Variants in SP3 observed in about 807,000 individuals in gnomAD.
SP3 encodes transcription factor Sp3.
In SP3, 10 loss-of-function variants were observed where a neutral mutation model predicts 70.3. That is an observed-to-expected ratio of 0.14 (90% CI 0.09 to 0.24). The LOEUF (loss-of-function observed/expected upper bound fraction) is 0.24, where lower values mean the gene tolerates loss of function less well. SP3 is among the 10% of genes least tolerant of loss of function. The probability of loss-of-function intolerance (pLI) is 1.00; values close to 1 mark genes in which losing one functional copy is unlikely to be tolerated. For missense variants in SP3, 825 were observed against 914.6 expected (o/e 0.90, Z 1.26); for synonymous variants, 402 against 333.5 (o/e 1.21, Z -2.24).
intron 3 of SP3, among the ~76,000 whole-genome samples, chr2:173,959,872 A>G (rs1359647552): frequency 6.6e-6 from 1 of 152,266 alleles, no homozygotes; most frequent in Non-Finnish European, 1.5e-5. Flanking sequence ...TTTACAAACC[A>G]AATTAAAAAT....
rs184683852 is a variant in SP3 at position 173,932,004 on chromosome 2, C to G, written c.1640-13219G>C. 4.8e-3 allele frequency among the ~76,000 whole-genome samples: 728 copies of G among 152,298 alleles called. 17 individuals are homozygous for G. Among genetic ancestry groups the G allele is most frequent in the Non-Finnish European group, 5.9e-3 (401 of 68,014 alleles). ...TAGGACTTTTAATTTCCTTCAAGAA[C>G]TTTTCCTTTGCATTCACAACGTGGC... On this transcript the variant is annotated intron_variant, in intron 4 of 6. Coordinates refer to ENST00000310015, the MANE Select transcript of SP3 (RefSeq NM_003111.5).
intron 4 of SP3, among the ~76,000 whole-genome samples, chr2:173,939,384 C>T (rs1690296488): frequency 6.6e-6 from 1 of 152,176 alleles, no homozygotes; most frequent in Non-Finnish European, 1.5e-5. Flanking sequence ...GATGTATATG[C>T]TTCAGATATG....
chr2:173,924,791 T>C (rs12472978), intron 4 of SP3, among the ~76,000 whole-genome samples: 5,439 of 152,328 alleles, frequency 0.036, 163 homozygotes, highest in Admixed American at 0.1. Flanking sequence ...CTTCCCTGTA[T>C]ATAAATATAT....
chr2:173,927,114 A>G (rs1304004980), intron 4 of SP3, among the ~76,000 whole-genome samples: 3 of 152,040 alleles, frequency 2.0e-5, no homozygotes, highest in African/African-American at 7.2e-5. Context: ...AGATCTCACA[A>G]GAACTCACTA....
chr2:173,965,357 G>T lies in SP3; in HGVS notation c.-186C>A, dbSNP rs923784075. On this transcript the variant is annotated 5_prime_UTR_variant, in exon 1 of 7. Coordinates refer to ENST00000310015, the MANE Select transcript of SP3 (RefSeq NM_003111.5). ...AAAAGGTGGAGCCTCCAGCCCAAAA[G>T]GGGGGAAGAGGGTGACAGCCCGCCC... is the stretch of plus-strand genomic sequence containing the variant. 25 of 643,944 alleles carry T rather than the reference G, an allele frequency of 3.9e-5. No individual in the cohort carries two copies. Among genetic ancestry groups the T allele is most frequent in the Middle Eastern group, 3.8e-4 (1 of 2,664 alleles). 39.9% of individuals were successfully genotyped at this position (643,944 alleles called of 1,614,324 possible).
At position 173,955,202 on chromosome 2, in the gene SP3, T is replaced by C. The variant is rs774952797; in HGVS notation, c.1310A>G (p.Gln437Arg). The change falls in exon 4 of 7, where the codon CAA becomes CGA. Residue 437 changes from glutamine (Q) to arginine (R), a missense_variant. Around this residue, in one of 4 missense-constraint regions of SP3, gnomAD observed 678 missense variants for 651.6 expected, o/e 1.04. Transcript: ENST00000310015. The part of the protein sequence containing the change: ...SGQNISQQAL[Q>R]NLQLQLNPGT... ...AGGATTCAGCTGCAACTGAAGATTT[T>C]GCAAAGCCTGTTGTGATATATTTTG... 2 of 1,614,066 alleles carry C rather than the reference T, an allele frequency of 1.2e-6. No homozygotes were observed. The highest frequency in any genetic ancestry group is 1.7e-6 in the Non-Finnish European group (2 of 1,180,040).
intron 4 of SP3, among the ~76,000 whole-genome samples, chr2:173,938,656 T>C (rs1458817827): frequency 1.3e-5 from 2 of 151,598 alleles, no homozygotes; most frequent in Admixed American, 6.6e-5. Context: ...TTAGCTATAA[T>C]ACAAGACAAA....
At chr2:173,915,812 G>A (rs1208755014) in intron 5 of SP3, 1 of 151,888 alleles carries the variant, frequency 6.6e-6, no homozygotes, top group East Asian at 1.9e-4. Flanking sequence ...TCTGAAAGCT[G>A]GTTCTGCTCA....
At chr2:173,960,919 T>C (rs914746710) in intron 3 of SP3, among the ~76,000 whole-genome samples, 1 of 152,088 alleles carries the variant, frequency 6.6e-6, no homozygotes, top group Admixed American at 6.5e-5. Flanking sequence ...GAGCCTGCAG[T>C]GAGCCGAGAT....
chr2:173,909,609 A>G lies in SP3; in HGVS notation c.*332T>C, dbSNP rs1689421261. 6.0e-6 allele frequency: 1 copy of G among 167,568 alleles called. No individual in the cohort carries two copies. The highest frequency in any genetic ancestry group is 1.3e-5 in the Non-Finnish European group (1 of 77,172). 10.4% of individuals were successfully genotyped at this position (167,568 alleles called of 1,614,324 possible). On this transcript the variant is annotated 3_prime_UTR_variant, in exon 7 of 7. Transcript: ENST00000310015. The stretch of plus-strand genomic sequence containing the variant: ...TATCTTACAATAGATAAATACCAAC[A>G]TGTTCTCATTTTTACACTAAACCAC...
At position 173,903,437 on chromosome 2, in the gene SP3, A is replaced by G. The variant is rs746493896; in HGVS notation, c.*6504T>C. Among the ~76,000 whole-genome samples, 6 of 152,222 alleles carry G rather than the reference A, an allele frequency of 3.9e-5. No individual in the cohort carries two copies. Among genetic ancestry groups the G allele is most frequent in the Non-Finnish European group, 5.9e-5 (4 of 68,034 alleles). On this transcript the variant is annotated 3_prime_UTR_variant, in exon 7 of 7. Transcript: ENST00000310015. ...TCCCAAACCTATGCACTTAATCACT[A>G]TATTATGCTATGAAAGGTTTCAACT...
In SP3 at chr2:173,956,062, T is replaced by A; in HGVS notation, c.450A>T (p.Gln150His). 1 of 1,614,160 alleles carries A rather than the reference T, an allele frequency of 6.2e-7. No individual in the cohort carries two copies. Among genetic ancestry groups the A allele is most frequent in the Non-Finnish European group, 8.5e-7 (1 of 1,180,014 alleles). Residue 150 changes from glutamine (Q) to histidine (H), a missense_variant, in exon 4 of 7, where the codon CAA (glutamine) becomes CAT (histidine). Physicochemically the swap from Gln to His is conservative, Grantham distance 24. Transcript: ENST00000310015. ...VLPLQNLQNQ[Q>H]IFSVAPGSDS... ...CTGATCCTGGTGCAACGGAAAATAT[T>A]TGTTGATTCTGCAAATTCTGAAGGG...
chr2:173,955,297 C>T lies in SP3; in HGVS notation c.1215G>A (p.Gln405=). 1 of 1,614,070 alleles carries T rather than the reference C, an allele frequency of 6.2e-7. No individual in the cohort carries two copies. Among genetic ancestry groups the T allele is most frequent in the East Asian group, 2.2e-5 (1 of 44,880 alleles). ...VQHLQLQESQ[Q]PTSQAQIVQG... ...GCACAATTTGGGCTTGACTGGTTGG[C>T]TGCTGAGACTCTTGAAGTTGTAGAT... Residue 405 remains glutamine, a synonymous_variant, in exon 4 of 7, where the codon CAG becomes CAA. Coordinates refer to ENST00000310015, the MANE Select transcript of SP3 (RefSeq NM_003111.5).
Position 173,955,326 on chromosome 2 carries a change from GTAC to G in SP3, c.1183_1185del (p.Val395del). The G allele has an allele frequency of 6.2e-7, 1 of 1,614,068 alleles. No individual in the cohort carries two copies. The highest frequency in any genetic ancestry group is 8.5e-7 in the Non-Finnish European group (1 of 1,180,016). ...TGAGACTCTTGAAGTTGTAGATGCTGTACAACAGGCTGTGCTGTAGAAACCTGA... is the reference window on the plus strand; with the variant it reads ...TGAGACTCTTGAAGTTGTAGATGCTGAACAGGCTGTGCTGTAGAAACCTGA... On this transcript the variant is annotated inframe_deletion, in exon 4 of 7. Coordinates refer to ENST00000310015, the MANE Select transcript of SP3 (RefSeq NM_003111.5).
In SP3 at chr2:173,949,485, T is replaced by C. The variant is rs80262799; in HGVS notation, c.1639+5388A>G. Among the ~76,000 whole-genome samples the C allele has an allele frequency of 3.9e-5, 6 of 152,130 alleles. No individual in the cohort carries two copies. In the East Asian group the frequency reaches 1.2e-3, roughly 29 times the overall value. ...GGAGAGTGAAAAGAACAAAGCCTAGTTGTGAAGCCTTGGGCCAGTTACTTT... is the reference window on the plus strand; with the variant it reads ...GGAGAGTGAAAAGAACAAAGCCTAGCTGTGAAGCCTTGGGCCAGTTACTTT... On this transcript the variant is annotated intron_variant, in intron 4 of 6. Transcript: ENST00000310015.
chr2:173,914,397 C>T (rs949082419), intron 5 of SP3: 1 of 151,952 alleles, frequency 6.6e-6, no homozygotes, highest in African/African-American at 2.4e-5. Flanking sequence ...ATACACCTAT[C>T]GTTTTTCAAA....
Position 173,964,290 on chromosome 2 carries a change from TGGAGG to T in SP3, c.156+110_156+114del. 1.4e-5 allele frequency: 4 copies of T among 290,790 alleles called. No individual in the cohort carries two copies. In the South Asian group the frequency reaches 1.9e-4, roughly 14 times the overall value. The allele number at this position is 290,790 out of a possible 1,614,324, so 18.0% of individuals were successfully genotyped here. On this transcript the variant is annotated intron_variant, in intron 2 of 6. Transcript: ENST00000310015. ...AGCTCCCGGGGCGGGGGGAGGGGAG[TGGAGG>T]GGAGGGGAGAGACGAGGAGGGAGGG...
chr2:173,924,626 C>CCT (rs1559094560), intron 4 of SP3, among the ~76,000 whole-genome samples: 1 of 152,086 alleles, frequency 6.6e-6, no homozygotes, highest in Non-Finnish European at 1.5e-5. Context: ...GATGAGAAAA[C>CCT]AAAGAGGTTA....
In SP3 at chr2:173,902,967, T is replaced by TA. The variant is rs565791595; in HGVS notation, c.*6973dup. Among the ~76,000 whole-genome samples the TA allele has an allele frequency of 2.6e-4, 39 of 152,372 alleles. 1 individual carries two copies. In the East Asian group the frequency reaches 6.0e-3, roughly 23 times the overall value. On this transcript the variant is annotated 3_prime_UTR_variant, in exon 7 of 7. Transcript: ENST00000310015. ...AAATAAGACTATAAAAGTTGGGTGATAGATACTTAGGTATTTGTTACATTG... is the reference window on the plus strand; with the variant it reads ...AAATAAGACTATAAAAGTTGGGTGATAAGATACTTAGGTATTTGTTACATTG...
Sources: gnomAD v4.1 joint callset for allele counts (sites outside exome capture counted in the v4.1 genomes callset) on GRCh38, gnomAD v4.1.1 for gene constraint, gnomAD v4.1.1 regional missense constraint, MANE v1.5 for transcripts, NCBI Gene and HGNC (gene_info 2026-07-23, HGNC 2026-07-21) for gene names.